CLCNKA: variants seen among roughly 807,000 people sequenced by gnomAD.
CLCNKA encodes chloride channel protein ClC-Ka.
A neutral mutation model predicts 83.3 loss-of-function variants in CLCNKA; 66 were observed. That is an observed-to-expected ratio of 0.79 (90% CI 0.65 to 0.97). The LOEUF is 0.97. Ranked by LOEUF, CLCNKA falls within the 50% of genes least tolerant of loss-of-function variation. CLCNKA has a pLI of 0.00. For synonymous variants in CLCNKA, 357 were observed against 370.4 expected (o/e 0.96, Z 0.42); for missense variants, 806 against 888.7 (o/e 0.91, Z 1.18).
chr1:16,022,384 G>C (rs1359027043), intron 1 of CLCNKA, among the ~76,000 whole-genome samples: 1 of 152,082 alleles, frequency 6.6e-6, no homozygotes, highest in Non-Finnish European at 1.5e-5. Flanking sequence ...TGGACACAGG[G>C]GGACACCTAG....
In CLCNKA at chr1:16,033,673, A is replaced by G. The variant is rs1373463681; in HGVS notation, c.*15A>G. 1 of 1,605,156 alleles carries G rather than the reference A, an allele frequency of 6.2e-7. No individual in the cohort carries two copies. On this transcript the variant is annotated 3_prime_UTR_variant, in exon 20 of 20. Coordinates refer to ENST00000331433, the MANE Select transcript of CLCNKA (RefSeq NM_004070.4). ...CTCCAAAGTGAGCCGGCCCAGCAAG[A>G]TGAAACAGGGCACCCCAGCTGACCT...
At chr1:16,028,940 G>A in intron 11 of CLCNKA, 95 bp downstream of exon 11, 1 of 1,528,156 alleles carries the variant, frequency 6.5e-7, no homozygotes, top group Non-Finnish European at 9.0e-7. Flanking sequence ...ACCCCACCAG[G>A]GTGACACCTG....
At chr1:16,022,104 A>AG (rs1207442386) in intron 1 of CLCNKA, 41 bp downstream of exon 1, 3 of 152,912 alleles carry the variant, frequency 2.0e-5, no homozygotes, top group African/African-American at 7.2e-5. Context: ...TGAACCTGGA[A>AG]GGGCCAGGCA....
rs779476716 is a variant in CLCNKA, at chr1:16,028,853, G to A, written c.1053+8G>A. On this transcript the variant is annotated splice_region_variant and intron_variant, in intron 11 of 19. Coordinates refer to ENST00000331433, the MANE Select transcript of CLCNKA (RefSeq NM_004070.4). ...CACTTCCTAGCTTCTCGGGTAAGGG[G>A]TCCTGAGCGGGGGTGGCAGGAGTGG... 3 of 1,613,884 alleles carry A rather than the reference G, an allele frequency of 1.9e-6. No individual in the cohort carries two copies. In the South Asian group the frequency reaches 3.3e-5, roughly 18 times the overall value.
In CLCNKA at chr1:16,026,930, C is replaced by A. The variant is rs1056159920; in HGVS notation, c.655+155C>A. On this transcript the variant is annotated intron_variant, in intron 7 of 19. Coordinates refer to ENST00000331433, the MANE Select transcript of CLCNKA (RefSeq NM_004070.4). Reference sequence around the variant, plus strand: ...TTTGGGTATAGCCACCCCCCGGGGGCGGCGGGGCGGGGCGGGTGGTTGGGG... The same window carrying A: ...TTTGGGTATAGCCACCCCCCGGGGGAGGCGGGGCGGGGCGGGTGGTTGGGG... The A allele has an allele frequency of 6.0e-6, 6 of 1,004,906 alleles. No individual in the cohort carries two copies. In the African/African-American group the frequency reaches 6.3e-5, roughly 11 times the overall value. 62.2% of individuals were successfully genotyped at this position (1,004,906 alleles called of 1,614,324 possible). A position where few individuals can be genotyped will look rare whatever the true frequency, so the allele number is the denominator to read the frequency against.
chr1:16,030,693 A>C lies in CLCNKA; in HGVS notation c.1622+19A>C. 1 of 1,613,096 alleles carries C rather than the reference A, an allele frequency of 6.2e-7. No individual in the cohort carries two copies. The highest frequency in any genetic ancestry group is 1.7e-5 in the Admixed American group (1 of 60,018). Reference sequence around the variant, plus strand: ...ACATCGGGTGAGTGGTGCCCACCTCAGGCTGACTGAAGGGGGTCACAGTGT... The same window carrying C: ...ACATCGGGTGAGTGGTGCCCACCTCCGGCTGACTGAAGGGGGTCACAGTGT... On this transcript the variant is annotated intron_variant, in intron 15 of 19. Transcript: ENST00000331433.
At chr1:16,027,662 G>C (rs1412063166) in intron 8 of CLCNKA, among the ~76,000 whole-genome samples, 159 bp from the exon 9 acceptor site, 2 of 152,164 alleles carry the variant, frequency 1.3e-5, no homozygotes, top group African/African-American at 4.8e-5. Flanking sequence ...GATGAGGCTG[G>C]GCAGGGAGGC....
intron 4 of CLCNKA, among the ~76,000 whole-genome samples, chr1:16,025,529 A>G (rs550471728): frequency 6.6e-6 from 1 of 152,168 alleles, no homozygotes; most frequent in South Asian, 2.1e-4. Flanking sequence ...CCACCACAAC[A>G]AAAAGTTAGC....
In CLCNKA at chr1:16,022,600, TC is replaced by T. The variant is rs761340131; in HGVS notation, c.-7-12del. On this transcript the variant is annotated splice_polypyrimidine_tract_variant and intron_variant, in intron 1 of 19. Transcript: ENST00000331433. Reference sequence around the variant, plus strand: ...CAGCTCACCCGGGTCCTTCCCTCCATCTGCTTCTCCAGGGGCCTGATGGAGG... The same window carrying T: ...CAGCTCACCCGGGTCCTTCCCTCCATTGCTTCTCCAGGGGCCTGATGGAGG... 4 of 1,546,282 alleles carry T rather than the reference TC, an allele frequency of 2.6e-6. No individual in the cohort carries two copies. In the South Asian group the frequency reaches 4.8e-5, roughly 19 times the overall value.
Position 16,026,684 on chromosome 1 carries a change from T to C in CLCNKA, c.577-13T>C. 6.2e-7 allele frequency: 1 copy of C among 1,613,668 alleles called. No individual in the cohort carries two copies. The highest frequency in any genetic ancestry group is 8.5e-7 in the Non-Finnish European group (1 of 1,179,842). On this transcript the variant is annotated splice_polypyrimidine_tract_variant and intron_variant, in intron 6 of 19. Coordinates refer to ENST00000331433, the MANE Select transcript of CLCNKA (RefSeq NM_004070.4). ...AGGGGGCTGACTCTGAGCCCTGGAC[T>C]CGGATCCCCCAGAACAAGAGCAAGC... is the stretch of plus-strand genomic sequence containing the variant.
intron 2 of CLCNKA, 27 bp from the exon 3 acceptor site, chr1:16,023,773 A>T: frequency 6.2e-7 from 1 of 1,613,338 alleles, no homozygotes; most frequent in Non-Finnish European, 8.5e-7. Flanking sequence ...CCCCAACATA[A>T]GCTGGGACTC....
chr1:16,023,027 G>T (rs1298144013), intron 2 of CLCNKA, among the ~76,000 whole-genome samples: 1 of 152,260 alleles, frequency 6.6e-6, no homozygotes, highest in Non-Finnish European at 1.5e-5. Flanking sequence ...GGGGTTAGCT[G>T]CTGGGACAGC....
rs1283067327 is a variant in CLCNKA at position 16,027,385 on chromosome 1, C to G, written c.731C>G (p.Thr244Ser). The G allele has an allele frequency of 6.2e-7, 1 of 1,614,062 alleles. No homozygotes were observed. ...TACTGGAGGGGCTTCTTTGCGGCCACCTGCGGGGCCTTCATATTCCGGCTC... is the reference window on the plus strand; with the variant it reads ...TACTGGAGGGGCTTCTTTGCGGCCAGCTGCGGGGCCTTCATATTCCGGCTC... ...RDYWRGFFAATCGAFIFRLLA... is the reference protein window; with the variant it reads ...RDYWRGFFAASCGAFIFRLLA... The change falls in exon 8 of 20, where the codon ACC becomes AGC. Residue 244 changes from threonine to serine, a missense_variant. Coordinates refer to ENST00000331433, the MANE Select transcript of CLCNKA (RefSeq NM_004070.4).
chr1:16,028,707 C>T (rs2022486479), intron 10 of CLCNKA, 54 bp from the exon 11 acceptor site: 5 of 1,598,794 alleles, frequency 3.1e-6, no homozygotes, highest in Admixed American at 1.7e-5. Flanking sequence ...ACTTCCCTCT[C>T]CTCGGGATGT....
intron 2 of CLCNKA, among the ~76,000 whole-genome samples, chr1:16,022,921 C>T (rs1233351850): frequency 6.6e-6 from 1 of 152,246 alleles, no homozygotes; most frequent in African/African-American, 2.4e-5. Context: ...GGCATCTGCC[C>T]TCTGCCTTTC....
At chr1:16,022,403 C>A (rs1445217610) in intron 1 of CLCNKA, among the ~76,000 whole-genome samples, 1 of 152,156 alleles carries the variant, frequency 6.6e-6, no homozygotes, top group Non-Finnish European at 1.5e-5. Flanking sequence ...AGGAATCCCA[C>A]CCTCATCCCA....
rs1479104461 is a variant in CLCNKA at position 16,029,174 on chromosome 1, G to A, written c.1102G>A (p.Ala368Thr). Residue 368 changes from alanine to threonine, a missense_variant, in exon 12 of 20, where the codon GCG becomes ACG. Transcript: ENST00000331433. Reference sequence around the variant, plus strand: ...CTCGCTGTTCGACAACCACTCCTGGGCGCTGATGACCCAGAACTCCAGCCC... The same window carrying A: ...CTCGCTGTTCGACAACCACTCCTGGACGCTGATGACCCAGAACTCCAGCCC... ...LDSLFDNHSW[A>T]LMTQNSSPPW... 6.2e-7 allele frequency: 1 copy of A among 1,612,714 alleles called. No homozygotes were observed. Among genetic ancestry groups the A allele is most frequent in the African/African-American group, 1.3e-5 (1 of 74,878 alleles).
Position 16,033,777 on chromosome 1 carries a change from T to C in CLCNKA, c.*119T>C. 1 of 1,009,448 alleles carries C rather than the reference T, an allele frequency of 9.9e-7. No individual in the cohort carries two copies. The highest frequency in any genetic ancestry group is 1.3e-5 in the South Asian group (1 of 75,186). The allele number at this position is 1,009,448 out of a possible 1,614,324, so 62.5% of individuals were successfully genotyped here. ...CTCCCTCCAGCCCAGCTCCATTCTT[T>C]GGCATAACAGGCAACTCTAACCTAG... On this transcript the variant is annotated 3_prime_UTR_variant, in exon 20 of 20. Transcript: ENST00000331433.
In CLCNKA at chr1:16,023,892, T is replaced by G; in HGVS notation, c.193T>G (p.Tyr65Asp). ...TLGVLMALVS[Y>D]AMNFAIGCVV... Reference sequence around the variant, plus strand: ...CGGGGTGCTCATGGCCCTGGTCAGCTATGCCATGAACTTTGCCATCGGGTG... The same window carrying G: ...CGGGGTGCTCATGGCCCTGGTCAGCGATGCCATGAACTTTGCCATCGGGTG... The change falls in exon 3 of 20, where the codon TAT (tyrosine) becomes GAT (aspartate). Residue 65 changes from tyrosine (Y) to aspartate (D), a missense_variant. By Grantham distance (160) the Tyr-to-Asp change is radical. Transcript: ENST00000331433. 6.2e-7 allele frequency: 1 copy of G among 1,614,162 alleles called. No individual in the cohort carries two copies. Among genetic ancestry groups the G allele is most frequent in the East Asian group, 2.2e-5 (1 of 44,864 alleles).
Sources: allele counts gnomAD v4.1 joint callset (sites outside exome capture counted in the v4.1 genomes callset), GRCh38; gene constraint gnomAD v4.1.1; transcripts MANE v1.5; gene names NCBI Gene and HGNC (gene_info 2026-07-23, HGNC 2026-07-21).